Variants in DCC observed in about 807,000 individuals in gnomAD.
DCC encodes netrin receptor DCC.
In DCC, 58 loss-of-function variants were observed where a neutral mutation model predicts 172.5. That is an observed-to-expected ratio of 0.34 (90% CI 0.27 to 0.42). DCC has a LOEUF of 0.42. Ranked by LOEUF, DCC falls within the 10% of genes least tolerant of loss-of-function variation. The pLI is 1.00. For synonymous variants in DCC, 709 were observed against 644.5 expected (o/e 1.10, Z -1.52); for missense variants, 1,740 against 1,791.0 (o/e 0.97, Z 0.51).
intron 5 of DCC, among the ~76,000 whole-genome samples, chr18:52,941,640 A>T (rs2040467070): frequency 6.6e-6 from 1 of 152,154 alleles, no homozygotes; most frequent in Non-Finnish European, 1.5e-5. Context: ...GAAACATGTA[A>T]GCATTATAGG....
At chr18:52,790,824 G>A (rs2037749946) in intron 2 of DCC, among the ~76,000 whole-genome samples, 1 of 152,206 alleles carries the variant, frequency 6.6e-6, no homozygotes, top group Non-Finnish European at 1.5e-5. Flanking sequence ...AAGCTTTGGA[G>A]CAGCATAACA....
At chr18:52,947,548 T>C (rs926742675) in intron 5 of DCC, among the ~76,000 whole-genome samples, 1 of 152,210 alleles carries the variant, frequency 6.6e-6, no homozygotes, top group Admixed American at 6.5e-5. Context: ...CTCATTACAC[T>C]CTGCGAAGGT....
intron 5 of DCC, among the ~76,000 whole-genome samples, chr18:53,031,969 G>A (rs974309394): frequency 4.6e-5 from 7 of 152,102 alleles, no homozygotes; most frequent in Admixed American, 4.6e-4. Flanking sequence ...AACTGGTCCA[G>A]CAATATAAGA....
chr18:53,220,607 A>G (rs1016377260), intron 12 of DCC, among the ~76,000 whole-genome samples: 2 of 152,170 alleles, frequency 1.3e-5, no homozygotes, highest in African/African-American at 4.8e-5. Flanking sequence ...ATAAACTAGA[A>G]CCAGCATTTG....
chr18:53,096,602 T>G lies in DCC; in HGVS notation c.1261+30436T>G, dbSNP rs190096094. 8.9e-4 allele frequency among the ~76,000 whole-genome samples: 135 copies of G among 152,182 alleles called. 1 individual carries two copies. The highest frequency in any genetic ancestry group is 3.1e-3 in the African/African-American group (129 of 41,536). ...TATAAGCTAAGAAAAATAAGGCAAT[T>G]AAAGACATCAAAATAAATATAATGG... On this transcript the variant is annotated intron_variant, in intron 7 of 28. Transcript: ENST00000442544.
intron 15 of DCC, among the ~76,000 whole-genome samples, chr18:53,367,226 A>T (rs530768513): frequency 6.6e-6 from 1 of 152,192 alleles, no homozygotes. Flanking sequence ...GAGCCACATT[A>T]TCTTATAATA....
intron 8 of DCC, among the ~76,000 whole-genome samples, chr18:53,177,310 C>T (rs998552475): frequency 5.3e-5 from 8 of 151,842 alleles, no homozygotes; most frequent in Non-Finnish European, 1.0e-4. Context: ...TGCACATGTA[C>T]CCTAAAACTT....
At chr18:52,835,494 ATGAC>A (rs2038688958) in intron 2 of DCC, among the ~76,000 whole-genome samples, 1 of 152,228 alleles carries the variant, frequency 6.6e-6, no homozygotes, top group Admixed American at 6.5e-5. Flanking sequence ...TGAAGGAAAT[ATGAC>A]TGAATATTTT....
chr18:53,243,554 T>G (rs906688150), intron 12 of DCC, among the ~76,000 whole-genome samples: 4 of 152,164 alleles, frequency 2.6e-5, no homozygotes, highest in African/African-American at 9.6e-5. Context: ...GCTTCCATAT[T>G]AGTTTAATCA....
chr18:52,422,684 C>A (rs1987289305), intron 1 of DCC, among the ~76,000 whole-genome samples: 1 of 152,066 alleles, frequency 6.6e-6, no homozygotes, highest in African/African-American at 2.4e-5. Context: ...AATGCAAAGA[C>A]AAGTGCTTTG....
intron 5 of DCC, among the ~76,000 whole-genome samples, chr18:53,000,465 A>C (rs1451703011): frequency 1.3e-5 from 2 of 151,866 alleles, no homozygotes; most frequent in African/African-American, 4.8e-5. Context: ...GCATATGTAC[A>C]ATTTTCTGAG....
intron 27 of DCC, chr18:53,505,135 G>A (rs1427407579): frequency 6.6e-6 from 1 of 152,110 alleles, no homozygotes; most frequent in East Asian, 1.9e-4. Context: ...ATTCCTTTAT[G>A]TTGGCATTAC....
intron 1 of DCC, among the ~76,000 whole-genome samples, chr18:52,735,962 A>G (rs1172107351): frequency 6.6e-6 from 1 of 152,192 alleles, no homozygotes; most frequent in African/African-American, 2.4e-5. Flanking sequence ...GAGGCAGTCT[A>G]TATCAAATAT....
chr18:52,664,762 C>T (rs111573896), intron 1 of DCC, among the ~76,000 whole-genome samples: 3,914 of 152,030 alleles, frequency 0.026, 171 homozygotes, highest in African/African-American at 0.087. Flanking sequence ...TGAGCCACCG[C>T]GCCCGGCCCA....
intron 1 of DCC, among the ~76,000 whole-genome samples, chr18:52,403,887 G>A (rs1986535664): frequency 1.3e-5 from 2 of 152,060 alleles, no homozygotes; most frequent in Admixed American, 1.3e-4. Flanking sequence ...TTCACTGAGA[G>A]ATGAACAAAT....
Position 52,814,543 on chromosome 18 carries a change from A to T in DCC, c.412+62169A>T, listed in dbSNP as rs138196087. Among the ~76,000 whole-genome samples, 9 of 152,356 alleles carry T rather than the reference A, an allele frequency of 5.9e-5. No individual in the cohort carries two copies. The East Asian group carries it at 1.7e-3, about 29-fold the overall frequency. On this transcript the variant is annotated intron_variant, in intron 2 of 28. Transcript: ENST00000442544. ...CTATGAATAGCACCATGAAAAATGT[A>T]GTCTTGCATACAAGAAAAGGTTAAG...
In DCC at chr18:53,246,738, T is replaced by G. The variant is rs369206473; in HGVS notation, c.1911+31141T>G. ...ATAGGTCATGAATAATGACTATAAG[T>G]TGCATGGGAATGGAGAGTAGAATTG... On this transcript the variant is annotated intron_variant, in intron 12 of 28. Coordinates refer to ENST00000442544, the MANE Select transcript of DCC (RefSeq NM_005215.4). 2.6e-5 allele frequency among the ~76,000 whole-genome samples: 4 copies of G among 152,156 alleles called. No individual in the cohort carries two copies. The South Asian group carries it at 6.2e-4, about 24-fold the overall frequency.
At chr18:52,597,675 C>T (rs1409530674) in intron 1 of DCC, among the ~76,000 whole-genome samples, 1 of 151,950 alleles carries the variant, frequency 6.6e-6, no homozygotes, top group African/African-American at 2.4e-5. Flanking sequence ...AAGTCAGGAA[C>T]CAGAGGAAAC....
intron 7 of DCC, among the ~76,000 whole-genome samples, chr18:53,131,585 A>T (rs1303492612): frequency 6.6e-6 from 1 of 152,084 alleles, no homozygotes; most frequent in Non-Finnish European, 1.5e-5. Context: ...CACAGGAAAA[A>T]TTTCCCGCAT....
Sources: allele counts gnomAD v4.1 joint callset (sites outside exome capture counted in the v4.1 genomes callset), GRCh38; gene constraint gnomAD v4.1.1; transcripts MANE v1.5; gene names NCBI Gene and HGNC (gene_info 2026-07-23, HGNC 2026-07-21).